INPP5A: variants seen among roughly 807,000 people sequenced by gnomAD.
INPP5A encodes the protein 43 kDa inositol polyphosphate 5-phophatase.
In INPP5A, 14 loss-of-function variants were observed where a neutral mutation model predicts 65.2. The observed-to-expected ratio is 0.21, with a 90% confidence interval of 0.14 to 0.34. The LOEUF (loss-of-function observed/expected upper bound fraction) is 0.34, where lower values mean the gene tolerates loss of function less well. INPP5A is among the 10% of genes least tolerant of loss of function. INPP5A has a pLI of 1.00. For synonymous variants in INPP5A, 207 were observed against 208.3 expected (o/e 0.99, Z 0.05); for missense variants, 431 against 545.6 (o/e 0.79, Z 2.09).
intron 11 of INPP5A, among the ~76,000 whole-genome samples, chr10:132,755,910 C>T (rs1846599391): frequency 6.6e-6 from 1 of 152,182 alleles, no homozygotes; most frequent in Non-Finnish European, 1.5e-5. Flanking sequence ...ATACACGTAT[C>T]CAGACACAAA....
At chr10:132,654,433 CTG>C (rs1436100366) in intron 4 of INPP5A, among the ~76,000 whole-genome samples, 1 of 152,268 alleles carries the variant, frequency 6.6e-6, no homozygotes, top group African/African-American at 2.4e-5. Context: ...GTCACTGAGA[CTG>C]GGCTGGCAGA....
intron 12 of INPP5A, among the ~76,000 whole-genome samples, chr10:132,777,173 C>T (rs1051227241): frequency 8.5e-5 from 13 of 152,328 alleles, no homozygotes; most frequent in Admixed American, 7.8e-4. Context: ...CCCGGGGCCA[C>T]AGCCTGAGCA....
intron 4 of INPP5A, among the ~76,000 whole-genome samples, chr10:132,687,720 C>G (rs1448389629): frequency 6.6e-6 from 1 of 152,196 alleles, no homozygotes; most frequent in Non-Finnish European, 1.5e-5. Flanking sequence ...GTCTGGCACT[C>G]ATGAGTGTGC....
In INPP5A at chr10:132,704,865, A is replaced by G. The variant is rs547294188; in HGVS notation, c.475-3448A>G. 1.7e-4 allele frequency among the ~76,000 whole-genome samples: 25 copies of G among 146,732 alleles called. No homozygotes were observed. Among genetic ancestry groups the G allele is most frequent in the African/African-American group, 6.1e-4 (24 of 39,194 alleles). ...GAGGATGGAGGAAGGGCGTCTGGAC[A>G]GGCAGCAGGCAGCTCCTCTGGAGTG... On this transcript the variant is annotated intron_variant, in intron 6 of 15. Coordinates refer to ENST00000368594, the MANE Select transcript of INPP5A (RefSeq NM_005539.5). The surrounding 1 kb of genome is among the most constrained non-coding windows in gnomAD (Gnocchi z 4.5).
intron 2 of INPP5A, among the ~76,000 whole-genome samples, chr10:132,623,459 A>G (rs540222582): frequency 4.1e-4 from 63 of 152,274 alleles, no homozygotes; most frequent in Admixed American, 3.9e-3. Context: ...AAAAGTTGAG[A>G]ATTTTAATAC....
intron 2 of INPP5A, among the ~76,000 whole-genome samples, chr10:132,630,080 T>C (rs946976355): frequency 1.3e-5 from 2 of 151,820 alleles, no homozygotes; most frequent in Non-Finnish European, 2.9e-5. Flanking sequence ...GGGTACCCTC[T>C]AGGGAAAGAC....
chr10:132,749,912 T>TA, intron 11 of INPP5A, 67 bp downstream of exon 11: 1 of 1,312,172 alleles, frequency 7.6e-7, no homozygotes, highest in Non-Finnish European at 1.1e-6. Flanking sequence ...GCCTTCCCAT[T>TA]ACCTCTGCTT....
chr10:132,617,793 C>A (rs1345148771), intron 2 of INPP5A, among the ~76,000 whole-genome samples: 1 of 152,218 alleles, frequency 6.6e-6, no homozygotes, highest in Non-Finnish European at 1.5e-5. Flanking sequence ...GTTTTGCCTC[C>A]AGCATGATGC....
chr10:132,760,698 C>T (rs1427952413), intron 11 of INPP5A, among the ~76,000 whole-genome samples: 1 of 152,192 alleles, frequency 6.6e-6, no homozygotes, highest in East Asian at 1.9e-4. Flanking sequence ...CGTGTGCTTC[C>T]TCATGACGCC....
At chr10:132,749,693 G>T (rs1366346969) in intron 10 of INPP5A, 78 bp from the exon 11 acceptor site, 2 of 1,597,508 alleles carry the variant, frequency 1.3e-6, no homozygotes, top group East Asian at 2.2e-5. Flanking sequence ...CGCCCTGCCT[G>T]CCCGGTTCGG....
intron 8 of INPP5A, among the ~76,000 whole-genome samples, chr10:132,715,527 G>A (rs1409340181): frequency 6.6e-6 from 1 of 152,228 alleles, no homozygotes; most frequent in African/African-American, 2.4e-5. Flanking sequence ...GAGAGGTGAC[G>A]TGATGCCCGC....
intron 12 of INPP5A, among the ~76,000 whole-genome samples, chr10:132,766,319 T>TC (rs1299437955): frequency 1.3e-5 from 2 of 152,262 alleles, no homozygotes; most frequent in Non-Finnish European, 2.9e-5. Context: ...AAAGGTTTTT[T>TC]CCAATATGCA....
At chr10:132,624,237 G>A (rs1045928960) in intron 2 of INPP5A, among the ~76,000 whole-genome samples, 3 of 152,220 alleles carry the variant, frequency 2.0e-5, no homozygotes, top group African/African-American at 7.2e-5. Context: ...TGTGATCCCC[G>A]CCTCTGCTGC....
intron 4 of INPP5A, among the ~76,000 whole-genome samples, chr10:132,681,554 G>A (rs2073045489): frequency 1.3e-5 from 2 of 152,230 alleles, no homozygotes; most frequent in Admixed American, 6.5e-5. Context: ...CATTCTTGAA[G>A]TCAGTGAGAC....
At chr10:132,630,007 C>T (rs1047426603) in intron 2 of INPP5A, among the ~76,000 whole-genome samples, 1 of 151,896 alleles carries the variant, frequency 6.6e-6, no homozygotes, top group African/African-American at 2.4e-5. Context: ...GAAAAGCATC[C>T]TCCAGGGGAA....
chr10:132,605,683 T>C (rs958553222), intron 1 of INPP5A, among the ~76,000 whole-genome samples: 1 of 152,076 alleles, frequency 6.6e-6, no homozygotes, highest in Non-Finnish European at 1.5e-5. Flanking sequence ...AAGTGGCCCC[T>C]GGGCAGGGCC....
At chr10:132,771,644 C>A (rs56352957) in intron 12 of INPP5A, among the ~76,000 whole-genome samples, 16,666 of 107,434 alleles carry the variant, frequency 0.16, 1,208 homozygotes, top group African/African-American at 0.23. Flanking sequence ...CACGGAGGCC[C>A]CGGCAGCCGC....
chr10:132,556,283 A>G (rs1056452827), intron 1 of INPP5A, among the ~76,000 whole-genome samples: 1 of 152,088 alleles, frequency 6.6e-6, no homozygotes, highest in Non-Finnish European at 1.5e-5. Context: ...GAGTGAACAC[A>G]CCAGAATGCA....
At chr10:132,764,492 G>T (rs1326555704) in intron 11 of INPP5A, among the ~76,000 whole-genome samples, 113 of 142,044 alleles carry the variant, frequency 8.0e-4, no homozygotes, top group Non-Finnish European at 1.3e-3. Context: ...TCCTGCAGGG[G>T]TGGGAGGGTG....
Sources: gnomAD v4.1 joint callset for allele counts (sites outside exome capture counted in the v4.1 genomes callset) on GRCh38, gnomAD v4.1.1 for gene constraint, Gnocchi (gnomAD v3.1) non-coding constraint, MANE v1.5 for transcripts, NCBI Gene and HGNC (gene_info 2026-07-23, HGNC 2026-07-21) for gene names.